Variants in SAMD12 observed in about 807,000 individuals in gnomAD.
SAMD12 encodes the protein sterile alpha motif domain containing 12.
Under a neutral mutation model 15.0 loss-of-function variants are expected in SAMD12, and 9 were observed. That is an observed-to-expected ratio of 0.60 (90% CI 0.36 to 1.05). SAMD12 has a LOEUF of 1.05. Among genes scored for constraint, SAMD12 ranks in the 50% least tolerant of loss-of-function variants. The pLI is 0.01. For synonymous variants in SAMD12, 86 were observed against 90.1 expected, an observed-to-expected ratio of 0.96 and a Z score of 0.25; for missense variants, 230 against 234.2, an observed-to-expected ratio of 0.98 and a Z score of 0.12.
At chr8:118,300,701 T>C (rs1814974717) in intron 4 of SAMD12, among the ~76,000 whole-genome samples, 1 of 152,222 alleles carries the variant, frequency 6.6e-6, no homozygotes, top group African/African-American at 2.4e-5. Flanking sequence ...CTTCAGGCGA[T>C]TCCAATGTAC....
intron 2 of SAMD12, among the ~76,000 whole-genome samples, chr8:118,548,423 A>ACACAC (rs1491292990): frequency 1.6e-5 from 2 of 125,260 alleles, no homozygotes; most frequent in African/African-American, 6.0e-5. Context: ...ACACACACAC[A>ACACAC]CCCCATGTGA....
chr8:118,446,870 T>A (rs1822931589), intron 2 of SAMD12, among the ~76,000 whole-genome samples: 1 of 152,136 alleles, frequency 6.6e-6, no homozygotes, highest in Admixed American at 6.5e-5. Context: ...AAACTATACC[T>A]CCAGCTCAGT....
At chr8:118,248,816 T>G (rs1812755745) in intron 4 of SAMD12, among the ~76,000 whole-genome samples, 1 of 152,170 alleles carries the variant, frequency 6.6e-6, no homozygotes, top group South Asian at 2.1e-4. Context: ...ACAAATGCAG[T>G]GTAAGATCAA....
chr8:118,162,164 A>G, the SAMD12 span, among the ~76,000 whole-genome samples: 1 of 148,394 alleles, frequency 6.7e-6, no homozygotes, highest in Admixed American at 6.8e-5. Flanking sequence ...TGTCTCAAAA[A>G]AAAAAAAAGA....
intron 2 of SAMD12, among the ~76,000 whole-genome samples, chr8:118,480,822 T>G (rs1824104244): frequency 6.6e-6 from 1 of 152,228 alleles, no homozygotes; most frequent in East Asian, 1.9e-4. Context: ...GCATCTCCAG[T>G]TCCCTGAAGG....
At chr8:118,169,875 T>C in the SAMD12 span, among the ~76,000 whole-genome samples, 1,542 of 152,246 alleles carry the variant, frequency 0.01, 27 homozygotes, top group African/African-American at 0.033. Flanking sequence ...ACCCCACTTG[T>C]GGTTAAGTGT....
Position 118,498,044 on chromosome 8 carries a change from A to T in SAMD12, c.193-58083T>A, listed in dbSNP as rs139217040. 5.9e-3 allele frequency among the ~76,000 whole-genome samples: 892 copies of T among 152,336 alleles called. 9 individuals carry two copies. Among genetic ancestry groups the T allele is most frequent in the African/African-American group, 0.02 (820 of 41,564 alleles). On this transcript the variant is annotated intron_variant, in intron 2 of 3. Transcript: ENST00000314727. The stretch of plus-strand genomic sequence containing the variant: ...AACAACACAGGACTAATTAAACAGA[A>T]GAACAGGAAGCAGATAATTAACGAA...
chr8:118,472,093 C>G (rs1056381724), intron 2 of SAMD12, among the ~76,000 whole-genome samples: 1 of 151,992 alleles, frequency 6.6e-6, no homozygotes, highest in Non-Finnish European at 1.5e-5. Flanking sequence ...CGAGACCATC[C>G]TGGCTAACAC....
chr8:118,499,157 G>T (rs914751213), intron 2 of SAMD12, among the ~76,000 whole-genome samples: 18 of 152,176 alleles, frequency 1.2e-4, no homozygotes, highest in Admixed American at 9.2e-4. Flanking sequence ...GACTGCCAGA[G>T]GCTCATCCTA....
chr8:118,269,051 ATCT>A (rs1291071734), intron 4 of SAMD12, among the ~76,000 whole-genome samples: 1 of 151,868 alleles, frequency 6.6e-6, no homozygotes. Flanking sequence ...CTTTCCAATA[ATCT>A]TCTTTATTTT....
chr8:118,309,527 T>C (rs1815530892), intron 4 of SAMD12, among the ~76,000 whole-genome samples: 2 of 152,168 alleles, frequency 1.3e-5, no homozygotes. Context: ...ATCTTTTTCA[T>C]ATAATGACTT....
At chr8:118,321,662 T>C (rs1816292604) in intron 4 of SAMD12, among the ~76,000 whole-genome samples, 1 of 152,094 alleles carries the variant, frequency 6.6e-6, no homozygotes, top group Admixed American at 6.6e-5. Context: ...TGGAAGGTTT[T>C]GAGTCTTCCT....
intron 1 of SAMD12, among the ~76,000 whole-genome samples, chr8:118,588,925 T>A (rs1159587063): frequency 6.6e-6 from 1 of 152,184 alleles, no homozygotes; most frequent in Non-Finnish European, 1.5e-5. Context: ...CTTGGTCAGC[T>A]AAATGTGATA....
chr8:118,548,873 A>T (rs1456488571), intron 2 of SAMD12, among the ~76,000 whole-genome samples: 2 of 152,228 alleles, frequency 1.3e-5, no homozygotes, highest in Non-Finnish European at 2.9e-5. Context: ...CCACGAGATT[A>T]TATCCCGCAC....
intron 4 of SAMD12, among the ~76,000 whole-genome samples, chr8:118,318,543 T>C (rs1816064734): frequency 6.6e-6 from 1 of 151,594 alleles, no homozygotes; most frequent in Non-Finnish European, 1.5e-5. Context: ...TACAGAATGA[T>C]ATAAAGAACT....
At chr8:118,487,698 C>T (rs1335147530) in intron 2 of SAMD12, among the ~76,000 whole-genome samples, 2 of 152,310 alleles carry the variant, frequency 1.3e-5, no homozygotes, top group African/African-American at 2.4e-5. Context: ...TTATTGGTCC[C>T]TTCTTAGAGA....
chr8:118,482,531 A>C (rs891742882), intron 2 of SAMD12, among the ~76,000 whole-genome samples: 2 of 152,188 alleles, frequency 1.3e-5, no homozygotes, highest in Admixed American at 6.5e-5. Flanking sequence ...TATTCTCTAA[A>C]CAATGCAGTA....
chr8:118,249,626 C>G (rs1431529224), intron 4 of SAMD12, among the ~76,000 whole-genome samples: 2 of 152,092 alleles, frequency 1.3e-5, no homozygotes, highest in African/African-American at 4.8e-5. Flanking sequence ...ATAGTATCTT[C>G]TAAAAGATTT....
chr8:118,446,549 T>A (rs1339642855), intron 2 of SAMD12, among the ~76,000 whole-genome samples: 2 of 152,176 alleles, frequency 1.3e-5, no homozygotes. Context: ...CTACATAAAA[T>A]TTGGAAAAAC....
Sources: allele counts gnomAD v4.1 joint callset (sites outside exome capture counted in the v4.1 genomes callset), GRCh38; gene constraint gnomAD v4.1.1; transcripts MANE v1.5; gene names NCBI Gene and HGNC (gene_info 2026-07-23, HGNC 2026-07-21).